Variants in DIP2C observed in about 807,000 individuals in gnomAD.
DIP2C encodes disco-interacting protein 2 homolog C.
In DIP2C, 33 loss-of-function variants were observed where a neutral mutation model predicts 192.4. The ratio of observed to expected loss-of-function variants is 0.17; its 90% CI spans 0.13 to 0.23. The LOEUF is 0.23. Ranked by LOEUF, DIP2C falls within the 10% of genes least tolerant of loss-of-function variation. The pLI, the probability that DIP2C is intolerant of heterozygous loss-of-function variation, is 1.00. For synonymous variants in DIP2C, 979 were observed against 864.1 expected (o/e 1.13, Z -2.33); for missense variants, 1,537 against 2,110.1 (o/e 0.73, Z 5.32).
intron 3 of DIP2C, among the ~76,000 whole-genome samples, chr10:470,202 A>C (rs1298852608): frequency 6.6e-6 from 1 of 152,158 alleles, no homozygotes; most frequent in Admixed American, 6.5e-5. Context: ...AGATAGACAG[A>C]GTATCATGTG....
At chr10:294,254 G>A (rs543717934) in intron 32 of DIP2C, among the ~76,000 whole-genome samples, 1 of 152,086 alleles carries the variant, frequency 6.6e-6, no homozygotes, top group African/African-American at 2.4e-5. Flanking sequence ...AGAGGTGCTC[G>A]ATTTCTGAAC....
At chr10:421,548 G>A (rs986970334) in intron 5 of DIP2C, among the ~76,000 whole-genome samples, 7 of 152,058 alleles carry the variant, frequency 4.6e-5, no homozygotes, top group Admixed American at 2.0e-4. Flanking sequence ...ACACATTCCT[G>A]TTCATTGTTT....
intron 1 of DIP2C, among the ~76,000 whole-genome samples, chr10:586,446 ACTAAC>A (rs1484061734): frequency 6.6e-6 from 1 of 151,310 alleles, no homozygotes. Flanking sequence ...TCACTACTTC[ACTAAC>A]CTACGTCACG....
At chr10:600,075 G>A (rs1386023081) in intron 1 of DIP2C, among the ~76,000 whole-genome samples, 1 of 152,190 alleles carries the variant, frequency 6.6e-6, no homozygotes, top group African/African-American at 2.4e-5. Flanking sequence ...AGGCAGAGGG[G>A]AAAGAGGAAC....
intron 4 of DIP2C, among the ~76,000 whole-genome samples, chr10:440,487 A>T (rs1967640832): frequency 6.6e-6 from 1 of 152,224 alleles, no homozygotes; most frequent in South Asian, 2.1e-4. Context: ...ACAATACAAC[A>T]ATATAGCACA....
rs1278865904 is a variant in DIP2C at position 578,847 on chromosome 10, G to A, written c.86-92317C>T. On this transcript the variant is annotated intron_variant, in intron 1 of 36. Transcript: ENST00000280886. ...GCACACACATCCAGATCCATATAGT[G>A]TACGTACATAGGTACACTAACACAC... 2.6e-5 allele frequency among the ~76,000 whole-genome samples: 4 copies of A among 152,166 alleles called. 1 individual carries two copies. Among genetic ancestry groups the A allele is most frequent in the African/African-American group, 7.2e-5 (3 of 41,440 alleles).
At chr10:313,134 A>G (rs1369280571) in intron 31 of DIP2C, among the ~76,000 whole-genome samples, 1 of 152,220 alleles carries the variant, frequency 6.6e-6, no homozygotes, top group Non-Finnish European at 1.5e-5. Flanking sequence ...AAATTTCAAG[A>G]TACATATTGA....
chr10:340,750 C>T, intron 29 of DIP2C: 2 of 457,584 alleles, frequency 4.4e-6, no homozygotes, highest in Non-Finnish European at 8.8e-6. Context: ...TGCCGCACCC[C>T]AGGGAACGCT....
At chr10:590,127 TGA>T (rs1441760474) in intron 1 of DIP2C, among the ~76,000 whole-genome samples, 1 of 152,136 alleles carries the variant, frequency 6.6e-6, no homozygotes, top group East Asian at 1.9e-4. Flanking sequence ...TAAACCACAG[TGA>T]GAGGCACGGA....
intron 22 of DIP2C, among the ~76,000 whole-genome samples, chr10:359,133 G>A (rs1008641026): frequency 1.3e-5 from 2 of 152,124 alleles, no homozygotes; most frequent in Admixed American, 6.5e-5. Context: ...CACAGAACAA[G>A]GCTTCGGATG....
chr10:523,944 G>C (rs1846893209), intron 1 of DIP2C, among the ~76,000 whole-genome samples: 1 of 152,214 alleles, frequency 6.6e-6, no homozygotes. Flanking sequence ...AACCTGAGGG[G>C]TGGGCCAAGG....
rs1960352200 is a variant in DIP2C, at chr10:367,211, A to G, written c.2132-800T>C. Among the ~76,000 whole-genome samples the G allele has an allele frequency of 2.0e-5, 3 of 152,176 alleles. No individual in the cohort carries two copies. In the South Asian group the frequency reaches 6.2e-4, roughly 32 times the overall value. On this transcript the variant is annotated intron_variant, in intron 18 of 36. Coordinates refer to ENST00000280886, the MANE Select transcript of DIP2C (RefSeq NM_014974.3). ...GGCGGGCGGATCACAAGGTCAGGAG[A>G]TCGAGACCATCCTGGCTAACATGGT... is the stretch of plus-strand genomic sequence containing the variant.
At chr10:495,493 C>G (rs904781428) in intron 1 of DIP2C, among the ~76,000 whole-genome samples, 1 of 152,032 alleles carries the variant, frequency 6.6e-6, no homozygotes, top group African/African-American at 2.4e-5. Flanking sequence ...TCCCCTCCTC[C>G]TCCCTAAAAA....
chr10:566,801 C>T (rs1275821087), intron 1 of DIP2C, among the ~76,000 whole-genome samples: 1 of 152,234 alleles, frequency 6.6e-6, no homozygotes, highest in Admixed American at 6.5e-5. Context: ...CTCACAGGCA[C>T]CATGCGGAGC....
intron 1 of DIP2C, among the ~76,000 whole-genome samples, chr10:548,203 G>GCCCCCCCCCC (rs1259544852): frequency 3.8e-4 from 19 of 50,656 alleles, no homozygotes; most frequent in South Asian, 1.2e-3. Context: ...ACACGAGTCT[G>GCCCCCCCCCC]CCCCACCCCC....
At chr10:360,248 T>C (rs1269286305) in intron 22 of DIP2C, among the ~76,000 whole-genome samples, 1 of 152,196 alleles carries the variant, frequency 6.6e-6, no homozygotes, top group Non-Finnish European at 1.5e-5. Flanking sequence ...AGAGGCCTTC[T>C]AGCTGCACCT....
chr10:386,309 C>G (rs2132916039), intron 14 of DIP2C, among the ~76,000 whole-genome samples: 1 of 152,336 alleles, frequency 6.6e-6, no homozygotes, highest in East Asian at 1.9e-4. Flanking sequence ...CATTCACAGA[C>G]AGAAAAACTG....
chr10:407,494 T>C (rs1406946908), intron 9 of DIP2C, among the ~76,000 whole-genome samples: 1 of 152,204 alleles, frequency 6.6e-6, no homozygotes, highest in African/African-American at 2.4e-5. Flanking sequence ...GTTTAATTCT[T>C]TGAGGGACTG....
At chr10:684,744 G>T (rs959109710) in intron 1 of DIP2C, among the ~76,000 whole-genome samples, 2 of 152,050 alleles carry the variant, frequency 1.3e-5, no homozygotes, top group Non-Finnish European at 2.9e-5. Context: ...CCTCCCACTG[G>T]GCCATCATTT....
Sources: allele counts gnomAD v4.1 joint callset (sites outside exome capture counted in the v4.1 genomes callset), GRCh38; gene constraint gnomAD v4.1.1; transcripts MANE v1.5; gene names NCBI Gene and HGNC (gene_info 2026-07-23, HGNC 2026-07-21).